The following SGCZ variants were observed in gnomAD, a reference collection of about 807,000 sequenced individuals.
The protein encoded by SGCZ is sarcoglycan zeta, also known as zeta-sarcoglycan.
In SGCZ, 40 loss-of-function variants were observed where a neutral mutation model predicts 41.3. The ratio of observed to expected loss-of-function variants is 0.97; its 90% CI spans 0.75 to 1.26. SGCZ has a LOEUF of 1.26. Among genes scored for constraint, SGCZ ranks in the 50% most tolerant of loss-of-function variants. SGCZ has a pLI of 0.00. For synonymous variants in SGCZ, 206 were observed against 137.5 expected (o/e 1.50, Z -3.49); for missense variants, 552 against 369.8 (o/e 1.49, Z -4.04).
chr8:14,902,423 T>G (rs1054797864), intron 1 of SGCZ, among the ~76,000 whole-genome samples: 20 of 152,148 alleles, frequency 1.3e-4, no homozygotes, highest in African/African-American at 4.8e-4. Context: ...TCTCCGAAGT[T>G]TTTGCCCAAG....
intron 1 of SGCZ, among the ~76,000 whole-genome samples, chr8:15,164,972 T>A (rs574413281): frequency 1.3e-5 from 2 of 152,254 alleles, no homozygotes; most frequent in African/African-American, 4.8e-5. Flanking sequence ...TCTGCCTGTG[T>A]GTGTACTGTG....
chr8:14,555,374 CT>C (rs1288036089), intron 1 of SGCZ, among the ~76,000 whole-genome samples: 1 of 151,990 alleles, frequency 6.6e-6, no homozygotes, highest in Middle Eastern at 3.2e-3. Flanking sequence ...GAATTTCCCC[CT>C]TTGGTGCTGT....
chr8:15,023,228 A>T (rs887725625), intron 1 of SGCZ, among the ~76,000 whole-genome samples: 1 of 152,220 alleles, frequency 6.6e-6, no homozygotes, highest in African/African-American at 2.4e-5. Flanking sequence ...AATCAAGTTC[A>T]TGACTTTGGT....
chr8:15,135,753 C>A (rs1808079208), intron 1 of SGCZ, among the ~76,000 whole-genome samples: 1 of 152,182 alleles, frequency 6.6e-6, no homozygotes, highest in Admixed American at 6.5e-5. Flanking sequence ...GGTTCTTGGC[C>A]TATCCCAGGA....
chr8:14,472,436 T>C (rs1016844493), intron 2 of SGCZ, among the ~76,000 whole-genome samples: 2 of 152,104 alleles, frequency 1.3e-5, no homozygotes, highest in African/African-American at 4.8e-5. Flanking sequence ...GGTGAGTTGA[T>C]GAACTCAAGG....
chr8:14,475,774 A>C (rs1156350417), intron 2 of SGCZ, among the ~76,000 whole-genome samples: 3 of 152,152 alleles, frequency 2.0e-5, no homozygotes, highest in Admixed American at 2.0e-4. Flanking sequence ...ATACACACAC[A>C]CAACAAGCAA....
intron 1 of SGCZ, among the ~76,000 whole-genome samples, chr8:14,667,237 G>C (rs578242443): frequency 6.6e-6 from 1 of 152,246 alleles, no homozygotes; most frequent in African/African-American, 2.4e-5. Context: ...TAATTTCTCA[G>C]GATTATTCTG....
intron 2 of SGCZ, among the ~76,000 whole-genome samples, chr8:14,342,361 G>A (rs895289179): frequency 6.6e-6 from 1 of 152,110 alleles, no homozygotes; most frequent in African/African-American, 2.4e-5. Flanking sequence ...CTGTCGCCCA[G>A]GCTGGAGTGC....
At chr8:14,198,239 A>T (rs534860259) in intron 4 of SGCZ, among the ~76,000 whole-genome samples, 11 of 152,136 alleles carry the variant, frequency 7.2e-5, no homozygotes, top group African/African-American at 2.7e-4. Context: ...CTCTGCTATC[A>T]CTCTGTAGTC....
chr8:14,301,901 A>G (rs548864694), intron 3 of SGCZ, among the ~76,000 whole-genome samples: 1 of 152,302 alleles, frequency 6.6e-6, no homozygotes, highest in Non-Finnish European at 1.5e-5. Context: ...GATGAAAAAG[A>G]TAATTTTGTA....
intron 3 of SGCZ, among the ~76,000 whole-genome samples, chr8:14,244,459 A>C (rs1222737859): frequency 6.6e-6 from 1 of 152,188 alleles, no homozygotes; most frequent in Non-Finnish European, 1.5e-5. Flanking sequence ...TCTTTGAAAT[A>C]AAAAGTACCA....
chr8:14,265,292 T>C (rs1334909305), intron 3 of SGCZ, among the ~76,000 whole-genome samples: 4 of 152,230 alleles, frequency 2.6e-5, no homozygotes, highest in East Asian at 1.9e-4. Context: ...TTATTATTTT[T>C]ATATCGCTCT....
chr8:14,496,011 G>A (rs1311411256), intron 2 of SGCZ, among the ~76,000 whole-genome samples: 1 of 152,116 alleles, frequency 6.6e-6, no homozygotes, highest in African/African-American at 2.4e-5. Flanking sequence ...TTAATCTACA[G>A]AACACTGCAA....
chr8:14,156,069 G>C (rs1803867306), intron 5 of SGCZ, among the ~76,000 whole-genome samples: 1 of 152,136 alleles, frequency 6.6e-6, no homozygotes, highest in African/African-American at 2.4e-5. Context: ...AAGTTGCTCT[G>C]GATGAGTCGG....
chr8:14,554,609 G>T, intron 2 of SGCZ, 123 bp downstream of exon 2: 1 of 794,414 alleles, frequency 1.3e-6, no homozygotes. Flanking sequence ...ATTTTCTTTG[G>T]GATTTAAAAA....
chr8:15,063,155 T>C (rs576001802), intron 1 of SGCZ, among the ~76,000 whole-genome samples: 1 of 152,142 alleles, frequency 6.6e-6, no homozygotes, highest in African/African-American at 2.4e-5. Flanking sequence ...TATGTATGAT[T>C]TCCCACTAGT....
At chr8:14,256,928 G>T (rs185124262) in intron 3 of SGCZ, among the ~76,000 whole-genome samples, 3 of 152,104 alleles carry the variant, frequency 2.0e-5, no homozygotes, top group Non-Finnish European at 2.9e-5. Context: ...TGAGTTAGAC[G>T]TATATAATAG....
At chr8:14,637,688 T>C (rs1682723954) in intron 1 of SGCZ, among the ~76,000 whole-genome samples, 3 of 151,932 alleles carry the variant, frequency 2.0e-5, no homozygotes, top group African/African-American at 4.8e-5. Flanking sequence ...TTCCATGGTG[T>C]ACATATACCA....
At chr8:14,135,154 T>G (rs535493403) in intron 5 of SGCZ, among the ~76,000 whole-genome samples, 2 of 152,332 alleles carry the variant, frequency 1.3e-5, no homozygotes, top group South Asian at 2.1e-4. Context: ...CTACTGTGTT[T>G]CCTAGAATAT....
Sources: gnomAD v4.1 joint callset for allele counts (sites outside exome capture counted in the v4.1 genomes callset) on GRCh38, gnomAD v4.1.1 for gene constraint, MANE v1.5 for transcripts, NCBI Gene and HGNC (gene_info 2026-07-23, HGNC 2026-07-21) for gene names.